The following CPNE8 variants were observed in gnomAD, a reference collection of about 807,000 sequenced individuals.
The protein encoded by CPNE8 is copine-8.
Under a neutral mutation model 81.5 loss-of-function variants are expected in CPNE8, and 45 were observed. The observed-to-expected ratio is 0.55, with a 90% CI of 0.44 to 0.71. CPNE8 has a LOEUF of 0.71. Ranked by LOEUF, CPNE8 falls within the 30% of genes least tolerant of loss-of-function variation. The probability of loss-of-function intolerance (pLI) is 0.00; values close to 1 mark genes in which losing one functional copy is unlikely to be tolerated. For synonymous variants in CPNE8, 252 were observed against 226.3 expected (o/e 1.11, Z -1.02); for missense variants, 594 against 672.1 (o/e 0.88, Z 1.28).
chr12:38,700,609 G>T (rs1039900664), intron 14 of CPNE8, among the ~76,000 whole-genome samples: 6 of 152,106 alleles, frequency 3.9e-5, no homozygotes, highest in African/African-American at 1.4e-4. Flanking sequence ...TCCTGCATCA[G>T]TTGAGATGAT....
At chr12:38,849,079 AAC>A (rs768140407) in intron 3 of CPNE8, among the ~76,000 whole-genome samples, 21 of 152,196 alleles carry the variant, frequency 1.4e-4, no homozygotes, top group African/African-American at 1.9e-4. Context: ...TTTTATACAT[AAC>A]AGTCCCATAT....
At chr12:38,793,944 G>A (rs1565618831) in intron 6 of CPNE8, among the ~76,000 whole-genome samples, 1 of 152,052 alleles carries the variant, frequency 6.6e-6, no homozygotes, top group Non-Finnish European at 1.5e-5. Context: ...CCTTTAATGA[G>A]AATTCCAAGA....
chr12:38,895,932 A>C (rs1944382560), intron 1 of CPNE8, among the ~76,000 whole-genome samples: 1 of 152,122 alleles, frequency 6.6e-6, no homozygotes, highest in African/African-American at 2.4e-5. Context: ...GACTTAAACC[A>C]AATTACTTAT....
At chr12:38,788,740 T>C (rs1942257018) in intron 6 of CPNE8, among the ~76,000 whole-genome samples, 2 of 151,718 alleles carry the variant, frequency 1.3e-5, no homozygotes, top group African/African-American at 4.8e-5. Context: ...AAAAAAACTA[T>C]TAGAATTGAT....
chr12:38,874,399 C>T, intron 2 of CPNE8, 72 bp downstream of exon 2: 3 of 1,135,642 alleles, frequency 2.6e-6, no homozygotes, highest in South Asian at 1.3e-5. Flanking sequence ...AACCTTTAAA[C>T]AAGAACTATG....
chr12:38,820,081 C>T (rs1422785761), intron 6 of CPNE8, among the ~76,000 whole-genome samples: 1 of 152,040 alleles, frequency 6.6e-6, no homozygotes, highest in Non-Finnish European at 1.5e-5. Context: ...AACTTCTAAA[C>T]ACTTCCTATA....
chr12:38,689,832 G>C (rs751345878), intron 15 of CPNE8, among the ~76,000 whole-genome samples: 1 of 152,178 alleles, frequency 6.6e-6, no homozygotes, highest in Admixed American at 6.5e-5. Flanking sequence ...GCACTATTGC[G>C]TTTTCAGTTA....
In CPNE8 at chr12:38,833,730, G is replaced by T. The variant is rs544977430; in HGVS notation, c.331-4275C>A. On this transcript the variant is annotated intron_variant, in intron 5 of 19. Coordinates refer to ENST00000331366, the MANE Select transcript of CPNE8 (RefSeq NM_153634.3). ...CCTGACCTCGTGATCTGCCCGCCTT[G>T]TCCTCCCAAAGTGCTGGGATTACAG... 1.5e-4 allele frequency among the ~76,000 whole-genome samples: 23 copies of T among 152,058 alleles called. 1 individual carries two copies. In the South Asian group the frequency reaches 1.9e-3, roughly 12 times the overall value.
intron 6 of CPNE8, among the ~76,000 whole-genome samples, chr12:38,796,088 C>T (rs902083503): frequency 2.6e-5 from 4 of 152,046 alleles, no homozygotes; most frequent in African/African-American, 7.2e-5. Flanking sequence ...TGGTGAAGGC[C>T]GTCTCTACCA....
At chr12:38,845,711 G>A (rs1190193668) in intron 4 of CPNE8, among the ~76,000 whole-genome samples, 1 of 151,970 alleles carries the variant, frequency 6.6e-6, no homozygotes, top group Non-Finnish European at 1.5e-5. Context: ...TAATAAGCCT[G>A]TTCTTTCAGG....
chr12:38,782,443 T>C (rs1208884921), intron 6 of CPNE8, among the ~76,000 whole-genome samples: 2 of 152,150 alleles, frequency 1.3e-5, no homozygotes, highest in Admixed American at 1.3e-4. Context: ...ATTTTGATCA[T>C]CATATTGTGG....
chr12:38,906,256 G>T (rs371344806), upstream of CPNE8: 4 of 985,372 alleles, frequency 4.1e-6, no homozygotes, highest in Non-Finnish European at 3.6e-6. Context: ...AGTTGGGGAC[G>T]GTGGGGCATT....
At chr12:38,741,365 A>C (rs1279978621) in intron 10 of CPNE8, among the ~76,000 whole-genome samples, 5 of 152,186 alleles carry the variant, frequency 3.3e-5, no homozygotes, top group Admixed American at 6.5e-5. Flanking sequence ...CAGAGCCCTC[A>C]GAATTAATAC....
chr12:38,846,980 T>C (rs1177166161), intron 4 of CPNE8, among the ~76,000 whole-genome samples: 1 of 152,084 alleles, frequency 6.6e-6, no homozygotes, highest in Non-Finnish European at 1.5e-5. Context: ...CATAAAAGGA[T>C]ATCTGCAAAA....
intron 13 of CPNE8, among the ~76,000 whole-genome samples, chr12:38,713,083 A>G (rs570882425): frequency 9.2e-5 from 14 of 152,340 alleles, no homozygotes; most frequent in African/African-American, 3.4e-4. Context: ...AAATGAAAAC[A>G]GGTTATGCTA....
chr12:38,827,582 AT>A (rs1943218780), intron 6 of CPNE8, among the ~76,000 whole-genome samples: 1 of 152,222 alleles, frequency 6.6e-6, no homozygotes, highest in African/African-American at 2.4e-5. Context: ...ATGCCCACCA[AT>A]GGTGGACTGG....
chr12:38,662,036 C>T (rs543796731), intron 19 of CPNE8, among the ~76,000 whole-genome samples: 1 of 152,062 alleles, frequency 6.6e-6, no homozygotes, highest in East Asian at 1.9e-4. Context: ...TATGACAAAC[C>T]CACAGCTAAT....
intron 3 of CPNE8, among the ~76,000 whole-genome samples, chr12:38,860,424 G>A (rs187901183): frequency 6.7e-6 from 1 of 149,936 alleles, no homozygotes. Flanking sequence ...TGTTTTTGAG[G>A]ATGTGGAGAA....
At chr12:38,853,002 C>G (rs1225726962) in intron 3 of CPNE8, among the ~76,000 whole-genome samples, 4 of 152,080 alleles carry the variant, frequency 2.6e-5, no homozygotes, top group Admixed American at 2.6e-4. Flanking sequence ...AAAAAACTTT[C>G]AGGCAGTTTT....
Sources: allele counts gnomAD v4.1 joint callset (sites outside exome capture counted in the v4.1 genomes callset), GRCh38; gene constraint gnomAD v4.1.1; transcripts MANE v1.5; gene names NCBI Gene and HGNC (gene_info 2026-07-23, HGNC 2026-07-21).